Variants in NRAP observed in about 807,000 individuals in gnomAD.
NRAP encodes nebulin related anchoring protein.
Under a neutral mutation model 225.9 loss-of-function variants are expected in NRAP, and 189 were observed. That is an observed-to-expected ratio of 0.84 (90% CI 0.74 to 0.94). The LOEUF (loss-of-function observed/expected upper bound fraction) is 0.94, where lower values mean the gene tolerates loss of function less well. Among genes scored for constraint, NRAP ranks in the 40% least tolerant of loss-of-function variants. The pLI, the probability that NRAP is intolerant of heterozygous loss-of-function variation, is 0.00. For synonymous variants in NRAP, 769 were observed against 790.7 expected (o/e 0.97, Z 0.46); for missense variants, 2,176 against 2,168.7 (o/e 1.00, Z -0.07).
chr10:113,632,353 TA>T (rs1211357420), intron 16 of NRAP, among the ~76,000 whole-genome samples: 1 of 152,258 alleles, frequency 6.6e-6, no homozygotes. Context: ...TGGTGAAGCA[TA>T]ACATAAGTGT....
rs757476818 is a variant in NRAP at position 113,645,824 on chromosome 10, C to A, written c.1110+1G>T. ...GGGTGTGACTCTTCCCCCATACGCA[C>A]CTCACTCACGAGTTTGTTTACGCTC... On this transcript the variant is annotated splice_donor_variant, in intron 11 of 41. Coordinates refer to ENST00000359988, the MANE Select transcript of NRAP (RefSeq NM_198060.4). LOFTEE classifies it high-confidence loss of function. 5.3e-6 allele frequency: 8 copies of A among 1,508,254 alleles called. No homozygotes were observed. Among genetic ancestry groups the A allele is most frequent in the Non-Finnish European group, 7.4e-6 (8 of 1,087,576 alleles). 93.4% of individuals were successfully genotyped at this position (1,508,254 alleles called of 1,614,324 possible).
chr10:113,614,747 T>C (rs1847541019), intron 28 of NRAP, 92 bp downstream of exon 28: 3 of 777,012 alleles, frequency 3.9e-6, no homozygotes, highest in East Asian at 2.5e-5. Context: ...CAGGGAATTA[T>C]CCACAGGCAA....
intron 38 of NRAP, among the ~76,000 whole-genome samples, chr10:113,593,645 A>AT (rs1253275251): frequency 6.6e-6 from 1 of 152,226 alleles, no homozygotes; most frequent in Non-Finnish European, 1.5e-5. Flanking sequence ...GTTAGGACTG[A>AT]AAGACATGTA....
chr10:113,589,709 G>T lies in NRAP; in HGVS notation c.5045C>A (p.Ala1682Glu). 1 of 1,614,014 alleles carries T rather than the reference G, an allele frequency of 6.2e-7. No individual in the cohort carries two copies. Among genetic ancestry groups the T allele is most frequent in the African/African-American group, 1.3e-5 (1 of 75,034 alleles). ...CAGGCCCCTTGCGTTGGCCAGTTCC[G>T]CAGCCCGCCGAGCCATTTCCACTTT... ...SYKVEMARRA[A>E]ELANARGLGL... The change falls in exon 41 of 42, where the codon GCG (alanine) becomes GAG (glutamate). Residue 1682 changes from alanine (A) to glutamate (E), a missense_variant. Physicochemically the swap from Ala to Glu is moderately radical, Grantham distance 107. Coordinates refer to ENST00000359988, the MANE Select transcript of NRAP (RefSeq NM_198060.4).
chr10:113,663,536 G>A lies in NRAP; in HGVS notation c.73-90C>T, dbSNP rs115914520. 1,091 of 832,772 alleles carry A rather than the reference G, an allele frequency of 1.3e-3. 10 individuals are homozygous for A. In the African/African-American group the frequency reaches 0.014, roughly 11 times the overall value. 51.6% of individuals were successfully genotyped at this position (832,772 alleles called of 1,614,324 possible). On this transcript the variant is annotated intron_variant, in intron 1 of 41. Transcript: ENST00000359988. ...ATTTTAGGGTAAAAAAATGAACTTCGAGGATAAAATGCTGATTTTAAAAAA... is the reference window on the plus strand; with the variant it reads ...ATTTTAGGGTAAAAAAATGAACTTCAAGGATAAAATGCTGATTTTAAAAAA...
intron 31 of NRAP, among the ~76,000 whole-genome samples, chr10:113,609,082 C>G (rs1373429292): frequency 6.6e-6 from 1 of 152,152 alleles, no homozygotes; most frequent in Non-Finnish European, 1.5e-5. Flanking sequence ...ATCGCTTGAA[C>G]CTGGGAGGCG....
At chr10:113,614,719 C>A in intron 28 of NRAP, 120 bp downstream of exon 28, 1 of 677,732 alleles carries the variant, frequency 1.5e-6, no homozygotes. Flanking sequence ...TGCCCTGACA[C>A]AGTCAGTTCG....
chr10:113,646,912 A>T lies in NRAP; in HGVS notation c.993+11T>A. 2 of 1,588,450 alleles carry T rather than the reference A, an allele frequency of 1.3e-6. No individual in the cohort carries two copies. The highest frequency in any genetic ancestry group is 1.7e-6 in the Non-Finnish European group (2 of 1,156,436). ...CCTCTGGCTCTGTGGTCACACCTACATGGTACTTACGTCACTAGCGAGTTC... is the reference window on the plus strand; with the variant it reads ...CCTCTGGCTCTGTGGTCACACCTACTTGGTACTTACGTCACTAGCGAGTTC... On this transcript the variant is annotated intron_variant, in intron 10 of 41. Coordinates refer to ENST00000359988, the MANE Select transcript of NRAP (RefSeq NM_198060.4).
intron 25 of NRAP, among the ~76,000 whole-genome samples, chr10:113,619,069 G>A (rs903873367): frequency 6.6e-6 from 1 of 152,192 alleles, no homozygotes; most frequent in East Asian, 1.9e-4. Context: ...ACTAAACTTT[G>A]AGGACTAGTA....
intron 35 of NRAP, among the ~76,000 whole-genome samples, chr10:113,600,155 TTCTC>T (rs10529111): frequency 0.014 from 1,981 of 140,236 alleles, 39 homozygotes; most frequent in African/African-American, 0.042. Flanking sequence ...AGGGGTTATA[TTCTC>T]TCTCTCTCTC....
intron 27 of NRAP, 117 bp downstream of exon 27, chr10:113,615,595 G>T: frequency 1.4e-6 from 1 of 702,074 alleles, no homozygotes; most frequent in Non-Finnish European, 2.6e-6. Flanking sequence ...TTTCAAGGTG[G>T]TGATGGCAGA....
intron 35 of NRAP, among the ~76,000 whole-genome samples, chr10:113,599,206 T>G (rs1162393612): frequency 6.6e-6 from 1 of 152,180 alleles, no homozygotes; most frequent in Non-Finnish European, 1.5e-5. Context: ...ATTCACAGCG[T>G]TCCTCACAGC....
chr10:113,657,040 G>A (rs1003786859), intron 4 of NRAP, among the ~76,000 whole-genome samples: 8 of 152,178 alleles, frequency 5.3e-5, no homozygotes, highest in Admixed American at 3.9e-4. Flanking sequence ...CACCTAGGAA[G>A]CTGGGAGCCT....
intron 37 of NRAP, among the ~76,000 whole-genome samples, chr10:113,596,884 G>C (rs769407373): frequency 1.3e-5 from 2 of 152,098 alleles, no homozygotes; most frequent in African/African-American, 4.8e-5. Flanking sequence ...CAAATAAAGG[G>C]ACCAAGGTTA....
At chr10:113,608,107 G>C (rs1592751669) in intron 32 of NRAP, among the ~76,000 whole-genome samples, 1 of 152,312 alleles carries the variant, frequency 6.6e-6, no homozygotes, top group South Asian at 2.1e-4. Flanking sequence ...ATCATCTTAT[G>C]ATCCTGTCAA....
chr10:113,593,036 C>G (rs1399762997), intron 38 of NRAP, among the ~76,000 whole-genome samples: 4 of 151,602 alleles, frequency 2.6e-5, no homozygotes, highest in African/African-American at 9.7e-5. Flanking sequence ...ATCTTCTGTG[C>G]CTTCATGTAG....
At chr10:113,592,145 C>A in intron 39 of NRAP, 49 bp downstream of exon 39, 2 of 1,224,064 alleles carry the variant, frequency 1.6e-6, no homozygotes, top group Non-Finnish European at 2.3e-6. Flanking sequence ...ACTGGGAAAA[C>A]CAGAGAAAAA....
At chr10:113,589,437 C>T (rs1416735822) in intron 41 of NRAP, 3 of 604,858 alleles carry the variant, frequency 5.0e-6, no homozygotes, top group Non-Finnish European at 8.6e-6. Flanking sequence ...TTTGCCTCTG[C>T]AGAACTAATG....
chr10:113,613,448 A>T (rs1326266341), intron 29 of NRAP, among the ~76,000 whole-genome samples: 1 of 152,206 alleles, frequency 6.6e-6, no homozygotes, highest in Admixed American at 6.5e-5. Flanking sequence ...AAGAATAACA[A>T]GATGGAGTTC....
Sources: gnomAD v4.1 joint callset for allele counts (sites outside exome capture counted in the v4.1 genomes callset) on GRCh38, gnomAD v4.1.1 for gene constraint, MANE v1.5 for transcripts, NCBI Gene and HGNC (gene_info 2026-07-23, HGNC 2026-07-21) for gene names.